Variants in CACNA2D3 observed in about 807,000 individuals in gnomAD.
CACNA2D3 encodes the protein calcium voltage-gated channel auxiliary subunit alpha2delta 3.
CACNA2D3 carries 60 observed loss-of-function variants against 160.6 expected under a neutral mutation model. That is an observed-to-expected ratio of 0.37 (90% CI 0.30 to 0.46). The LOEUF (loss-of-function observed/expected upper bound fraction) is 0.46, where lower values mean the gene tolerates loss of function less well. CACNA2D3 is among the 20% of genes least tolerant of loss of function. The pLI is 1.00. For missense variants in CACNA2D3, 1,205 were observed against 1,365.0 expected (o/e 0.88, Z 1.85); for synonymous variants, 558 against 492.9 (o/e 1.13, Z -1.75).
At chr3:54,837,763 C>G (rs1698727501) in intron 15 of CACNA2D3, among the ~76,000 whole-genome samples, 1 of 152,150 alleles carries the variant, frequency 6.6e-6, no homozygotes, top group African/African-American at 2.4e-5. Context: ...ATCTCTGCCT[C>G]TGTTTCCATG....
chr3:54,513,538 A>G (rs952030655), intron 5 of CACNA2D3, among the ~76,000 whole-genome samples: 1 of 152,200 alleles, frequency 6.6e-6, no homozygotes, highest in African/African-American at 2.4e-5. Flanking sequence ...TTACTCAGCT[A>G]GCAAAGTGGG....
chr3:54,387,185 A>C (rs904258398), intron 4 of CACNA2D3, among the ~76,000 whole-genome samples: 1 of 152,240 alleles, frequency 6.6e-6, no homozygotes, highest in Non-Finnish European at 1.5e-5. Context: ...TTGATTGTTA[A>C]TAACATTTAA....
At chr3:54,862,398 C>A (rs1176400939) in intron 17 of CACNA2D3, among the ~76,000 whole-genome samples, 1 of 151,922 alleles carries the variant, frequency 6.6e-6, no homozygotes, top group Non-Finnish European at 1.5e-5. Context: ...CACACACACA[C>A]ACACACGCAC....
chr3:55,056,292 A>T (rs1240341367), intron 35 of CACNA2D3, among the ~76,000 whole-genome samples: 1 of 152,228 alleles, frequency 6.6e-6, no homozygotes, highest in Admixed American at 6.5e-5. Flanking sequence ...TCTTATTAAA[A>T]GGATGAAAGA....
At chr3:54,919,140 C>T (rs1700760249) in intron 27 of CACNA2D3, among the ~76,000 whole-genome samples, 1 of 152,130 alleles carries the variant, frequency 6.6e-6, no homozygotes, top group African/African-American at 2.4e-5. Context: ...GCCCAGTAAC[C>T]TTCATGTTCT....
chr3:54,131,250 G>A (rs1699700254), intron 2 of CACNA2D3, among the ~76,000 whole-genome samples: 3 of 152,348 alleles, frequency 2.0e-5, no homozygotes, highest in South Asian at 4.1e-4. Flanking sequence ...GACCCCTGAT[G>A]AGAGCACTTC....
chr3:54,840,963 C>T (rs1250851503), intron 16 of CACNA2D3, among the ~76,000 whole-genome samples: 3 of 152,100 alleles, frequency 2.0e-5, no homozygotes, highest in African/African-American at 7.2e-5. Context: ...ACCTCATGAT[C>T]CACCCGCCTC....
At position 54,763,787 on chromosome 3, in the gene CACNA2D3, A is replaced by ACG. The variant is rs1702146707; in HGVS notation, c.1247-431_1247-430insCG. On this transcript the variant is annotated intron_variant, in intron 12 of 37. Coordinates refer to ENST00000474759, the MANE Select transcript of CACNA2D3 (RefSeq NM_018398.3). ...TATATATGTATATATGTACATATAT[A>ACG]TGTATATATATGTACATATATATAC... Among the ~76,000 whole-genome samples, 36 of 49,148 alleles carry ACG rather than the reference A, an allele frequency of 7.3e-4. 6 individuals are homozygous for ACG. The highest frequency in any genetic ancestry group is 2.9e-3 in the South Asian group (4 of 1,368). The allele number at this position is 49,148 out of a possible 152,430, so 32.2% of individuals were successfully genotyped here.
chr3:54,215,258 A>C (rs1430678999), intron 2 of CACNA2D3, among the ~76,000 whole-genome samples: 1 of 152,242 alleles, frequency 6.6e-6, no homozygotes, highest in East Asian at 1.9e-4. Flanking sequence ...TGTTTTGATT[A>C]ATCTGTGTCT....
intron 11 of CACNA2D3, among the ~76,000 whole-genome samples, chr3:54,751,875 C>T (rs1247970623): frequency 1.3e-5 from 2 of 152,158 alleles, no homozygotes; most frequent in East Asian, 3.8e-4. Flanking sequence ...GGATTTTAAC[C>T]TTTTCATTCC....
intron 2 of CACNA2D3, among the ~76,000 whole-genome samples, chr3:54,240,516 G>A (rs1457313760): frequency 3.3e-5 from 5 of 152,270 alleles, no homozygotes; most frequent in South Asian, 2.1e-4. Flanking sequence ...CTAATTAGGC[G>A]AAGTAAAAGG....
chr3:55,014,663 C>A (rs575591035), intron 34 of CACNA2D3, among the ~76,000 whole-genome samples: 1 of 151,978 alleles, frequency 6.6e-6, no homozygotes, highest in Admixed American at 6.6e-5. Flanking sequence ...ACCCAGGAGG[C>A]GGAGGTTGCA....
intron 2 of CACNA2D3, among the ~76,000 whole-genome samples, chr3:54,289,044 A>C (rs1703112831): frequency 6.6e-6 from 1 of 152,146 alleles, no homozygotes; most frequent in South Asian, 2.1e-4. Flanking sequence ...ACTCCTATTC[A>C]ACATAGTGTT....
chr3:54,153,107 G>T (rs1158458551), intron 2 of CACNA2D3, among the ~76,000 whole-genome samples: 1 of 152,224 alleles, frequency 6.6e-6, no homozygotes, highest in Non-Finnish European at 1.5e-5. Context: ...GGTGCAGAAT[G>T]TGCAGGGCAC....
intron 2 of CACNA2D3, among the ~76,000 whole-genome samples, chr3:54,283,132 T>C (rs889200744): frequency 1.3e-5 from 2 of 152,230 alleles, no homozygotes; most frequent in African/African-American, 4.8e-5. Context: ...AATTATAGGA[T>C]ACAAATTGCA....
intron 11 of CACNA2D3, among the ~76,000 whole-genome samples, chr3:54,656,158 C>G (rs991513682): frequency 1.3e-5 from 2 of 152,208 alleles, no homozygotes; most frequent in Admixed American, 6.5e-5. Flanking sequence ...CCTTAGGCAG[C>G]CTGTGCTGCT....
intron 13 of CACNA2D3, among the ~76,000 whole-genome samples, chr3:54,802,892 C>T (rs535948504): frequency 3.9e-5 from 6 of 152,300 alleles, no homozygotes; most frequent in East Asian, 1.9e-4. Context: ...CAGCAGCATT[C>T]GCGATTCACG....
intron 18 of CACNA2D3, chr3:54,875,525 C>A (rs1699638630): frequency 1.3e-5 from 2 of 152,206 alleles, no homozygotes; most frequent in Non-Finnish European, 1.5e-5. Flanking sequence ...AGCTATCATT[C>A]CATAATCATA....
intron 9 of CACNA2D3, among the ~76,000 whole-genome samples, chr3:54,617,889 G>T (rs1698889335): frequency 1.3e-5 from 2 of 151,504 alleles, no homozygotes; most frequent in African/African-American, 4.9e-5. Context: ...TGAGACAGCT[G>T]CACTCCCAGT....
Sources: allele counts gnomAD v4.1 joint callset (sites outside exome capture counted in the v4.1 genomes callset), GRCh38; gene constraint gnomAD v4.1.1; transcripts MANE v1.5; gene names NCBI Gene and HGNC (gene_info 2026-07-23, HGNC 2026-07-21).